The following TEPSIN variants were observed in gnomAD, a reference collection of about 807,000 sequenced individuals.
TEPSIN encodes the protein TEPSIN adaptor related protein complex 4 accessory protein, also known as AP-4 complex accessory subunit tepsin.
TEPSIN carries 50 observed loss-of-function variants against 48.5 expected under a neutral mutation model. That is an observed-to-expected ratio of 1.03 (90% CI 0.82 to 1.31). The LOEUF is 1.31. Ranked by LOEUF, TEPSIN falls within the 50% of genes most tolerant of loss-of-function variation. The pLI is 0.00. For missense variants in TEPSIN, 838 were observed against 815.9 expected, an observed-to-expected ratio of 1.03 and a Z score of -0.33; for synonymous variants, 392 against 358.8, an observed-to-expected ratio of 1.09 and a Z score of -1.05.
Position 81,228,787 on chromosome 17 carries a change from G to T in TEPSIN, c.*141C>A. ...CCAGAGCCTCTGGCAGAGGAGATGG[G>T]GGAAACTGAGGTAGCCCTAGGGTCG... On this transcript the variant is annotated 3_prime_UTR_variant, in exon 13 of 13. Transcript: ENST00000637944. 1 of 1,005,506 alleles carries T rather than the reference G, an allele frequency of 9.9e-7. No homozygotes were observed. Among genetic ancestry groups the T allele is most frequent in the South Asian group, 1.5e-5 (1 of 66,660 alleles). 62.3% of individuals were successfully genotyped at this position (1,005,506 alleles called of 1,614,324 possible).
Position 81,233,724 on chromosome 17 carries a change from G to A in TEPSIN, c.376-8C>T. 6.3e-7 allele frequency: 1 copy of A among 1,588,734 alleles called. No individual in the cohort carries two copies. ...CAGGGTGCTCCCCAAGTCCTACAGG[G>A]GGAGGCGAAGGCCCTCAGTGTCCTC... On this transcript the variant is annotated splice_region_variant and splice_polypyrimidine_tract_variant and intron_variant, in intron 5 of 12. Transcript: ENST00000637944. This position sits in a 1 kb window ranked among gnomAD's most constrained non-coding sequence, Gnocchi z 5.8.
rs373049277 is a variant in TEPSIN at position 81,233,994 on chromosome 17, C to T, written c.362G>A (p.Arg121His). 1.4e-5 allele frequency: 23 copies of T among 1,599,692 alleles called. No homozygotes were observed. Among genetic ancestry groups the T allele is most frequent in the Admixed American group, 1.8e-5 (1 of 55,312 alleles). Residue 121 changes from arginine (R) to histidine (H), a missense_variant, in exon 5 of 13, where the codon CGC becomes CAC. Arg to His is a conservative substitution (Grantham distance 29, BLOSUM62 0). Coordinates refer to ENST00000637944, the MANE Select transcript of TEPSIN (RefSeq NM_001363764.2). This position sits in a 1 kb window ranked among gnomAD's most constrained non-coding sequence, Gnocchi z 5.8. ...LHGNSLYQKV[R>H]AAAQDLGSTL... Reference sequence around the variant, plus strand: ...TCCTGGGCTCACCTGCGCGGCCGCGCGAACCTTCTGGTACAAGCTGTTCCC... The same window carrying T: ...TCCTGGGCTCACCTGCGCGGCCGCGTGAACCTTCTGGTACAAGCTGTTCCC...
In TEPSIN at chr17:81,229,156, T is replaced by G. The variant is rs2048057; in HGVS notation, c.1554A>C (p.Pro518=). 44 of 1,606,892 alleles carry G rather than the reference T, an allele frequency of 2.7e-5. 1 individual carries two copies. In the South Asian group the frequency reaches 4.4e-4, roughly 16 times the overall value. Residue 518 remains proline (P), a synonymous_variant, in exon 13 of 13, where the codon CCA becomes CCC. Transcript: ENST00000637944. ...ESRRWRPERI[P]GGTDSPKRGP... ...CTCTCTTTGGGCTGTCCGTGCCCCCTGGGATCCGTTCAGGTCTCCACCGCC... is the reference window on the plus strand; with the variant it reads ...CTCTCTTTGGGCTGTCCGTGCCCCCGGGGATCCGTTCAGGTCTCCACCGCC...
At position 81,233,875 on chromosome 17, in the gene TEPSIN, TC is replaced by T; in HGVS notation, c.375+105del. The T allele has an allele frequency of 7.2e-7, 1 of 1,397,716 alleles. No individual in the cohort carries two copies. Among genetic ancestry groups the T allele is most frequent in the Non-Finnish European group, 9.6e-7 (1 of 1,039,242 alleles). 86.6% of individuals were successfully genotyped at this position (1,397,716 alleles called of 1,614,324 possible). Reference sequence around the variant, plus strand: ...CACCAGCAAGGAGCAGAGGCAGGGGTCCCGGATGGGAGAACTGCAAACCCCC... The same window carrying T: ...CACCAGCAAGGAGCAGAGGCAGGGGTCCGGATGGGAGAACTGCAAACCCCC... On this transcript the variant is annotated intron_variant, in intron 5 of 12. Coordinates refer to ENST00000637944, the MANE Select transcript of TEPSIN (RefSeq NM_001363764.2). This position sits in a 1 kb window ranked among gnomAD's most constrained non-coding sequence, Gnocchi z 5.8.
intron 2 of TEPSIN, 67 bp from the exon 3 acceptor site, chr17:81,237,138 G>A (rs2062738181): frequency 1.4e-5 from 21 of 1,471,182 alleles, no homozygotes; most frequent in Admixed American, 2.0e-5. Context: ...GGGAGACCAG[G>A]CCATGGGGCC....
rs886824153 is a variant in TEPSIN at position 81,233,569 on chromosome 17, G to C, written c.455-66C>G. 4 of 1,562,130 alleles carry C rather than the reference G, an allele frequency of 2.6e-6. No individual in the cohort carries two copies. In the African/African-American group the frequency reaches 5.4e-5, roughly 21 times the overall value. On this transcript the variant is annotated intron_variant, in intron 6 of 12. Coordinates refer to ENST00000637944, the MANE Select transcript of TEPSIN (RefSeq NM_001363764.2). This position sits in a 1 kb window ranked among gnomAD's most constrained non-coding sequence, Gnocchi z 5.8. ...CTCGGCCCTGCCCACGGATGGCACA[G>C]ACACCCAGGACACTCAAGGAGGCAG...
At chr17:81,238,545 G>A in intron 1 of TEPSIN, 2 of 916,034 alleles carry the variant, frequency 2.2e-6, no homozygotes, top group South Asian at 4.8e-5. Flanking sequence ...CCTTCGAGAC[G>A]TCTGTGTTCT....
chr17:81,235,230 C>G (rs888074420), intron 4 of TEPSIN, among the ~76,000 whole-genome samples: 10 of 152,226 alleles, frequency 6.6e-5, no homozygotes, highest in African/African-American at 2.4e-5. Flanking sequence ...TGACCGCAAT[C>G]GGCTGGGGGT....
rs2062510987 is a variant in TEPSIN, at chr17:81,228,440, G to A, written c.*488C>T. ...AGGGAAGGATCACGTAGGGATCTGA[G>A]ACTTGAAATGGCCTCAGGCCAGACA... On this transcript the variant is annotated 3_prime_UTR_variant, in exon 13 of 13. Transcript: ENST00000637944. 17 of 207,176 alleles carry A rather than the reference G, an allele frequency of 8.2e-5. No individual in the cohort carries two copies. Among genetic ancestry groups the A allele is most frequent in the South Asian group, 2.1e-4 (3 of 14,562 alleles). 12.8% of individuals were successfully genotyped at this position (207,176 alleles called of 1,614,324 possible). A position where few individuals can be genotyped will look rare whatever the true frequency, so the allele number is the denominator to read the frequency against.
rs2146850804 is a variant in TEPSIN at position 81,236,719 on chromosome 17, T to C, written c.296A>G (p.Gln99Arg). 2 of 1,564,574 alleles carry C rather than the reference T, an allele frequency of 1.3e-6. No homozygotes were observed. Among genetic ancestry groups the C allele is most frequent in the South Asian group, 1.2e-5 (1 of 84,932 alleles). The stretch of plus-strand genomic sequence containing the variant: ...CGCGGCCCCTGTACCTGCAGCTTCC[T>C]GGATGAAGGCAGAGTTGCGTTTGAG... ...LILKRNSAFIQEAAAFAGPPD... is the reference protein window; with the variant it reads ...LILKRNSAFIREAAAFAGPPD... The change falls in exon 4 of 13, where the codon CAG becomes CGG. Residue 99 changes from glutamine to arginine, a missense_variant. Gln to Arg is a conservative substitution (Grantham distance 43). Coordinates refer to ENST00000637944, the MANE Select transcript of TEPSIN (RefSeq NM_001363764.2).
intron 11 of TEPSIN, chr17:81,231,068 T>A: frequency 4.2e-6 from 2 of 478,064 alleles, no homozygotes; most frequent in Middle Eastern, 5.5e-4. Context: ...TGTCCACACT[T>A]TCATGTGCAT....
chr17:81,231,806 C>T, intron 9 of TEPSIN, 41 bp downstream of exon 9: 2 of 1,608,210 alleles, frequency 1.2e-6, no homozygotes, highest in Non-Finnish European at 1.7e-6. Flanking sequence ...CAGTGTGGTG[C>T]CTCCGAGACC....
In TEPSIN at chr17:81,231,611, A is replaced by G. The variant is rs1285202236; in HGVS notation, c.986T>C (p.Leu329Pro). ...GAAGTGCTGTGCCTCCTCGCGGCTC[A>G]GGAAGGCGCGTGGTCCCCGAGTCAC... ...RTVTRGPRAF[L>P]SREEAQHFIK... Residue 329 changes from leucine (L) to proline (P), a missense_variant, in exon 10 of 13, where the codon CTG becomes CCG. Physicochemically the swap from Leu to Pro is moderately conservative, Grantham distance 98. Coordinates refer to ENST00000637944, the MANE Select transcript of TEPSIN (RefSeq NM_001363764.2). 1 of 1,613,102 alleles carries G rather than the reference A, an allele frequency of 6.2e-7. No individual in the cohort carries two copies. The highest frequency in any genetic ancestry group is 2.2e-5 in the East Asian group (1 of 44,852).
At position 81,229,306 on chromosome 17, in the gene TEPSIN, C is replaced by T. The variant is rs771198797; in HGVS notation, c.1404G>A (p.Ser468=). 7.6e-6 allele frequency: 12 copies of T among 1,571,206 alleles called. No homozygotes were observed. The highest frequency in any genetic ancestry group is 6.8e-5 in the African/African-American group (5 of 73,564). Residue 468 remains serine, a synonymous_variant, in exon 13 of 13, where the codon TCG becomes TCA. Transcript: ENST00000637944. ...CAGATGAGGGAGCAGGGCTCCGGGACGAGACCGGGGTTGAACTCAGAGGCT... is the reference window on the plus strand; with the variant it reads ...CAGATGAGGGAGCAGGGCTCCGGGATGAGACCGGGGTTGAACTCAGAGGCT... ...FLQPLSSTPV[S]SRSPAPSSGM...
intron 1 of TEPSIN, chr17:81,237,766 G>C (rs747229179): frequency 7.5e-5 from 33 of 438,168 alleles, no homozygotes; most frequent in Non-Finnish European, 1.0e-4. Flanking sequence ...AGCATGTAAG[G>C]CTATTTGAAG....
In TEPSIN at chr17:81,232,494, G is replaced by C. The variant is rs906687053; in HGVS notation, c.551C>G (p.Ser184Cys). Residue 184 changes from serine to cysteine, a missense_variant, in exon 8 of 13, where the codon TCC (serine) becomes TGC (cysteine). Transcript: ENST00000637944. ...RTGSAGEAFLSTIQKAAEVVA... is the reference protein window; with the variant it reads ...RTGSAGEAFLCTIQKAAEVVA... ...CACCTCTGCGGCCTTCTGGATGGTG[G>C]AGAGGAAGGCTTCGCCTGCCGAGCC... 1 of 1,533,380 alleles carries C rather than the reference G, an allele frequency of 6.5e-7. No homozygotes were observed. Among genetic ancestry groups the C allele is most frequent in the Non-Finnish European group, 8.7e-7 (1 of 1,145,554 alleles). 95.0% of individuals were successfully genotyped at this position (1,533,380 alleles called of 1,614,324 possible). A position where few individuals can be genotyped will look rare whatever the true frequency, so the allele number is the denominator to read the frequency against.
At chr17:81,237,818 A>C in intron 1 of TEPSIN, 1 of 349,820 alleles carries the variant, frequency 2.9e-6, no homozygotes. Flanking sequence ...AAAGCCAAAC[A>C]AGGCCCAGGC....
intron 8 of TEPSIN, 44 bp downstream of exon 8, chr17:81,232,271 A>T (rs1156446222): frequency 6.8e-7 from 1 of 1,472,072 alleles, no homozygotes; most frequent in South Asian, 1.3e-5. Flanking sequence ...GGTGACAGGA[A>T]GGAGTGACCC....
rs756562081 is a variant in TEPSIN at position 81,229,004 on chromosome 17, T to TG, written c.1705dup (p.Gln569ProfsTer53). On this transcript the variant is annotated frameshift_variant, in exon 13 of 13. Transcript: ENST00000637944. LOFTEE classifies it low-confidence loss of function (END_TRUNC). ...GGCTGCTGTCCTCTGGGACGATGTT[T>TG]GGGGGGCGCGGGGAGCATCAGGACA... The TG allele has an allele frequency of 1.9e-6, 3 of 1,613,316 alleles. No individual in the cohort carries two copies. Among genetic ancestry groups the TG allele is most frequent in the Non-Finnish European group, 8.5e-7 (1 of 1,179,944 alleles).
Sources: gnomAD v4.1 joint callset for allele counts (sites outside exome capture counted in the v4.1 genomes callset) on GRCh38, gnomAD v4.1.1 for gene constraint, Gnocchi (gnomAD v3.1) non-coding constraint, MANE v1.5 for transcripts, NCBI Gene and HGNC (gene_info 2026-07-23, HGNC 2026-07-21) for gene names.